SLC1A3: variants seen among roughly 807,000 people sequenced by gnomAD.
SLC1A3 encodes the protein solute carrier family 1 member 3, also known as excitatory amino acid transporter 1.
In SLC1A3, 21 loss-of-function variants were observed where a neutral mutation model predicts 48.1. The ratio of observed to expected loss-of-function variants is 0.44; its 90% confidence interval spans 0.31 to 0.63. The LOEUF (loss-of-function observed/expected upper bound fraction) is 0.63, where lower values mean the gene tolerates loss of function less well. Among genes scored for constraint, SLC1A3 ranks in the 20% least tolerant of loss-of-function variants. The probability of loss-of-function intolerance (pLI) is 0.08; values close to 1 mark genes in which losing one functional copy is unlikely to be tolerated. For synonymous variants in SLC1A3, 239 were observed against 251.4 expected, an observed-to-expected ratio of 0.95 and a Z score of 0.47; for missense variants, 546 against 689.0, an observed-to-expected ratio of 0.79 and a Z score of 2.32.
chr5:36,680,264 C>G, intron 7 of SLC1A3, 131 bp from the exon 8 acceptor site: 1 of 787,318 alleles, frequency 1.3e-6, no homozygotes, highest in South Asian at 1.5e-5. Context: ...CCTATTTATA[C>G]AATTGCTGAC....
chr5:36,662,723 T>A (rs1741567660), intron 3 of SLC1A3, among the ~76,000 whole-genome samples: 1 of 152,054 alleles, frequency 6.6e-6, no homozygotes, highest in Non-Finnish European at 1.5e-5. Context: ...CTTCTGAGAG[T>A]TTCCGGCGAC....
At chr5:36,629,698 A>AG (rs1312895148) in intron 3 of SLC1A3, 111 bp downstream of exon 3, 12 of 896,724 alleles carry the variant, frequency 1.3e-5, no homozygotes, top group African/African-American at 3.4e-5. Context: ...GCTCTGTTCT[A>AG]GAAAAAAAAA....
intron 2 of SLC1A3, among the ~76,000 whole-genome samples, chr5:36,626,910 CAAAG>C (rs1739927399): frequency 6.6e-6 from 1 of 151,714 alleles, no homozygotes; most frequent in African/African-American, 2.4e-5. Context: ...AACAAGTAAA[CAAAG>C]AAAGAAACAT....
At chr5:36,684,187 C>T (rs1486070144) in intron 9 of SLC1A3, among the ~76,000 whole-genome samples, 189 bp downstream of exon 9, 1 of 152,252 alleles carries the variant, frequency 6.6e-6, no homozygotes, top group Non-Finnish European at 1.5e-5. Flanking sequence ...ATGCCATGTG[C>T]ACTCACTCCC....
At chr5:36,626,768 A>G (rs1739921598) in intron 2 of SLC1A3, among the ~76,000 whole-genome samples, 1 of 152,218 alleles carries the variant, frequency 6.6e-6, no homozygotes, top group African/African-American at 2.4e-5. Context: ...GACAGATATA[A>G]CCAAAGTATT....
Position 36,683,073 on chromosome 5 carries a change from C to T in SLC1A3, c.1290-791C>T, listed in dbSNP as rs918673448. 4.5e-4 allele frequency among the ~76,000 whole-genome samples: 69 copies of T among 152,304 alleles called. 1 individual carries two copies. Among genetic ancestry groups the T allele is most frequent in the Admixed American group, 3.9e-3 (60 of 15,302 alleles). ...TCATTTTGCTTTTGAATTAACTAAG[C>T]AAACCAAACTAAGAAACCAAATTTG... On this transcript the variant is annotated intron_variant, in intron 8 of 9. Coordinates refer to ENST00000265113, the MANE Select transcript of SLC1A3 (RefSeq NM_004172.5).
intron 2 of SLC1A3, among the ~76,000 whole-genome samples, chr5:36,625,894 C>T (rs1739884440): frequency 6.6e-6 from 1 of 152,170 alleles, no homozygotes; most frequent in South Asian, 2.1e-4. Context: ...GACTGCACTT[C>T]CCAGCAAGAC....
rs1330487440 is a variant in SLC1A3 at position 36,686,454 on chromosome 5, T to C, written c.*185T>C. The C allele has an allele frequency of 1.6e-6, 1 of 612,450 alleles. No homozygotes were observed. Among genetic ancestry groups the C allele is most frequent in the Non-Finnish European group, 2.9e-6 (1 of 344,862 alleles). 37.9% of individuals were successfully genotyped at this position (612,450 alleles called of 1,614,324 possible). ...TTTGGGTGGCCAAAGTGTACAATTT[T>C]CATCCCACAATTGAAATTTTTAAAT... On this transcript the variant is annotated 3_prime_UTR_variant, in exon 10 of 10. Transcript: ENST00000265113.
At chr5:36,672,718 G>A (rs1182999804) in intron 4 of SLC1A3, among the ~76,000 whole-genome samples, 1 of 152,088 alleles carries the variant, frequency 6.6e-6, no homozygotes, top group African/African-American at 2.4e-5. Context: ...ACTACCCAAG[G>A]GGCCTCTTCT....
chr5:36,636,642 G>C (rs1406910390), intron 3 of SLC1A3, among the ~76,000 whole-genome samples: 6 of 118,880 alleles, frequency 5.0e-5, no homozygotes, highest in Admixed American at 1.1e-4. Flanking sequence ...CCTCTCACCT[G>C]AGTCTTTCAC....
chr5:36,613,681 G>T (rs559408763), intron 2 of SLC1A3, among the ~76,000 whole-genome samples: 1 of 152,294 alleles, frequency 6.6e-6, no homozygotes, highest in South Asian at 2.1e-4. Context: ...AATGAGCAGG[G>T]AGAGAGGAGC....
At chr5:36,641,846 T>C (rs970505862) in intron 3 of SLC1A3, among the ~76,000 whole-genome samples, 2 of 152,198 alleles carry the variant, frequency 1.3e-5, no homozygotes, top group African/African-American at 4.8e-5. Context: ...GGAGCACACT[T>C]ACTATGTGAA....
At chr5:36,675,729 G>T (rs1003207899) in intron 5 of SLC1A3, among the ~76,000 whole-genome samples, 17 of 152,182 alleles carry the variant, frequency 1.1e-4, no homozygotes, top group African/African-American at 3.9e-4. Flanking sequence ...CAATTTTTTT[G>T]TTGCTTGAAA....
At chr5:36,620,911 CTT>C (rs869280684) in intron 2 of SLC1A3, among the ~76,000 whole-genome samples, 18 of 143,306 alleles carry the variant, frequency 1.3e-4, no homozygotes, top group Admixed American at 2.1e-4. Flanking sequence ...TGAGCTAGGT[CTT>C]TTTTTTTTTT....
At chr5:36,648,714 T>C (rs1740935124) in intron 3 of SLC1A3, among the ~76,000 whole-genome samples, 1 of 152,238 alleles carries the variant, frequency 6.6e-6, no homozygotes, top group Non-Finnish European at 1.5e-5. Flanking sequence ...TTTTTAGGCA[T>C]CAACAGGTCA....
At chr5:36,627,428 A>G (rs1739953541) in intron 2 of SLC1A3, among the ~76,000 whole-genome samples, 2 of 152,084 alleles carry the variant, frequency 1.3e-5, no homozygotes, top group African/African-American at 4.8e-5. Flanking sequence ...GCAGAAAGCA[A>G]TTTCGTAACA....
intron 3 of SLC1A3, among the ~76,000 whole-genome samples, chr5:36,642,824 T>C (rs1466121286): frequency 1.3e-5 from 2 of 152,234 alleles, no homozygotes; most frequent in African/African-American, 2.4e-5. Context: ...ATATGGTCCT[T>C]TGTGACTGGC....
In SLC1A3 at chr5:36,677,131, G is replaced by C. The variant is rs1390865899; in HGVS notation, c.807G>C (p.Glu269Asp). 3.7e-6 allele frequency: 6 copies of C among 1,613,994 alleles called. No individual in the cohort carries two copies. The highest frequency in any genetic ancestry group is 5.1e-6 in the Non-Finnish European group (6 of 1,179,956). The change falls in exon 6 of 10, where the codon GAG (glutamate) becomes GAC (aspartate). Residue 269 changes from glutamate to aspartate, a missense_variant. Coordinates refer to ENST00000265113, the MANE Select transcript of SLC1A3 (RefSeq NM_004172.5). ...NMKEQGQALR[E>D]FFDSLNEAIM... ...AGGAACAGGGGCAGGCCCTGAGAGA[G>C]TTCTTTGATTCTCTTAACGAAGCCA...
At chr5:36,604,086 C>T (rs1460704638), upstream of SLC1A3, among the ~76,000 whole-genome samples, 59 of 136,210 alleles carry the variant, frequency 4.3e-4, no homozygotes, top group East Asian at 4.2e-3. Flanking sequence ...GTTATACTGA[C>T]ATTTTTTCCC....
Sources: gnomAD v4.1 joint callset for allele counts (sites outside exome capture counted in the v4.1 genomes callset) on GRCh38, gnomAD v4.1.1 for gene constraint, MANE v1.5 for transcripts, NCBI Gene and HGNC (gene_info 2026-07-23, HGNC 2026-07-21) for gene names.